Variants in CDH20 observed in about 807,000 individuals in gnomAD.
CDH20 encodes the protein cadherin 20.
A neutral mutation model predicts 74.2 loss-of-function variants in CDH20; 29 were observed. The observed-to-expected ratio is 0.39, with a 90% CI of 0.29 to 0.53. CDH20 has a LOEUF of 0.53. Ranked by LOEUF, CDH20 falls within the 20% of genes least tolerant of loss-of-function variation. The pLI, the probability that CDH20 is intolerant of heterozygous loss-of-function variation, is 0.69. For synonymous variants in CDH20, 469 were observed against 405.4 expected, an observed-to-expected ratio of 1.16 and a Z score of -1.88; for missense variants, 988 against 1,048.3, an observed-to-expected ratio of 0.94 and a Z score of 0.79.
intron 1 of CDH20, among the ~76,000 whole-genome samples, chr18:61,386,624 T>C (rs1216873037): frequency 6.6e-6 from 1 of 152,188 alleles, no homozygotes; most frequent in Non-Finnish European, 1.5e-5. Context: ...TAGAAATATG[T>C]TCTTTGAAAT....
intron 1 of CDH20, among the ~76,000 whole-genome samples, chr18:61,488,001 A>G (rs1910825168): frequency 6.6e-6 from 1 of 152,134 alleles, no homozygotes; most frequent in Admixed American, 6.5e-5. Flanking sequence ...CAGAGAAAAT[A>G]ACAGACATGT....
rs778918493 is a variant in CDH20, at chr18:61,333,506, A to AG, written c.-469dup. Reference sequence around the variant, plus strand: ...CGCTCGGGGGACGGTGACCGCGACCAGGGGGCTCTTCTCACTGGACAGGCC... The same window carrying AG: ...CGCTCGGGGGACGGTGACCGCGACCAGGGGGGCTCTTCTCACTGGACAGGCC... On this transcript the variant is annotated 5_prime_UTR_variant, in exon 1 of 12. Coordinates refer to ENST00000262717, the MANE Select transcript of CDH20 (RefSeq NM_031891.4). 6.6e-6 allele frequency: 1 copy of AG among 152,328 alleles called. No individual in the cohort carries two copies. Among genetic ancestry groups the AG allele is most frequent in the East Asian group, 1.9e-4 (1 of 5,162 alleles). 9.4% of individuals were successfully genotyped at this position (152,328 alleles called of 1,614,324 possible).
Position 61,554,651 on chromosome 18 carries a change from G to T in CDH20, c.2362G>T (p.Ala788Ser). The T allele has an allele frequency of 6.3e-7, 1 of 1,598,106 alleles. No individual in the cohort carries two copies. Residue 788 changes from alanine to serine, a missense_variant, in exon 12 of 12, where the codon GCC becomes TCC. Physicochemically the swap from Ala to Ser is moderately conservative, Grantham distance 99. Transcript: ENST00000262717. ...CTGGGGGCCCCGCTTCCGGAAGCTG[G>T]CCGAGCTCTACGGGGCGTCGGAGGG... ...TDWGPRFRKLAELYGASEGPA... is the reference protein window; with the variant it reads ...TDWGPRFRKLSELYGASEGPA...
intron 1 of CDH20, among the ~76,000 whole-genome samples, chr18:61,408,279 T>G (rs147091789): frequency 4.4e-4 from 67 of 152,182 alleles, no homozygotes; most frequent in Non-Finnish European, 8.2e-4. Context: ...CAAGATTCAT[T>G]TTGGGTTCAG....
At chr18:61,518,225 C>T (rs898417565) in intron 6 of CDH20, among the ~76,000 whole-genome samples, 10 of 152,218 alleles carry the variant, frequency 6.6e-5, no homozygotes, top group Non-Finnish European at 8.8e-5. Context: ...TGCCTGCCAG[C>T]TCTGAAGACA....
At position 61,429,122 on chromosome 18, in the gene CDH20, C is replaced by CA. The variant is rs370197823; in HGVS notation, c.-152-61274dup. Among the ~76,000 whole-genome samples the CA allele has an allele frequency of 4.2e-3, 646 of 152,136 alleles. 5 individuals are homozygous for CA. Among genetic ancestry groups the CA allele is most frequent in the African/African-American group, 0.015 (612 of 41,522 alleles). On this transcript the variant is annotated intron_variant, in intron 1 of 11. Coordinates refer to ENST00000262717, the MANE Select transcript of CDH20 (RefSeq NM_031891.4). The stretch of plus-strand genomic sequence containing the variant: ...AATTTCTGAGAGGTGTGGGAGTATG[C>CA]AAAAAATCACAAGTTTTTGACTCCC...
chr18:61,365,384 T>C (rs573800621), intron 1 of CDH20, among the ~76,000 whole-genome samples: 1 of 152,330 alleles, frequency 6.6e-6, no homozygotes, highest in East Asian at 1.9e-4. Context: ...TGCTATGGGT[T>C]TCTAAATTCC....
At chr18:61,507,334 C>G in intron 5 of CDH20, 39 bp from the exon 6 acceptor site, 1 of 1,579,076 alleles carries the variant, frequency 6.3e-7, no homozygotes. Context: ...TTTATAGTGA[C>G]GGATTATCAA....
intron 10 of CDH20, among the ~76,000 whole-genome samples, chr18:61,546,239 C>T (rs924204165): frequency 9.2e-5 from 14 of 152,262 alleles, no homozygotes; most frequent in African/African-American, 3.1e-4. Flanking sequence ...AGGTTAGGCA[C>T]GCCTGGTTTT....
In CDH20 at chr18:61,507,223, G is replaced by A. The variant is rs1395919085; in HGVS notation, c.830-150G>A. ...GTATGACCGTTTGCTCAGCCTTTCT[G>A]GACCTTAGTTTTTATCTGTAAAAAC... On this transcript the variant is annotated intron_variant, in intron 5 of 11. Transcript: ENST00000262717. 1.2e-5 allele frequency: 8 copies of A among 680,200 alleles called. No homozygotes were observed. In the East Asian group the frequency reaches 2.2e-4, roughly 19 times the overall value. The allele number at this position is 680,200 out of a possible 1,614,324, so 42.1% of individuals were successfully genotyped here.
At chr18:61,405,891 T>A (rs1912314424) in intron 1 of CDH20, among the ~76,000 whole-genome samples, 2 of 152,186 alleles carry the variant, frequency 1.3e-5, no homozygotes, top group African/African-American at 4.8e-5. Context: ...CTTCAAGGCT[T>A]CCACTGTCTC....
At chr18:61,401,416 T>A (rs1912150747) in intron 1 of CDH20, among the ~76,000 whole-genome samples, 1 of 152,202 alleles carries the variant, frequency 6.6e-6, no homozygotes, top group South Asian at 2.1e-4. Flanking sequence ...GTTGCTGTTG[T>A]TTTTATATCA....
intron 1 of CDH20, among the ~76,000 whole-genome samples, chr18:61,462,139 G>T (rs1436657258): frequency 3.3e-5 from 5 of 151,882 alleles, no homozygotes; most frequent in Non-Finnish European, 7.4e-5. Context: ...GAAAAGTTGG[G>T]GTTTTCCTTT....
rs201850700 is a variant in CDH20, at chr18:61,554,564, T to C, written c.2275T>C (p.Ser759Pro). The C allele has an allele frequency of 3.2e-5, 51 of 1,595,244 alleles. No individual in the cohort carries two copies. Among genetic ancestry groups the C allele is most frequent in the Non-Finnish European group, 4.4e-5 (51 of 1,172,168 alleles). Residue 759 changes from serine to proline, a missense_variant, in exon 12 of 12, where the codon TCG becomes CCG. Ser to Pro is a moderately conservative substitution (Grantham distance 74). Transcript: ENST00000262717. ...MFEGDGSVAG[S>P]LSSLQSATSD... ...CGAGGGGGACGGCTCTGTGGCGGGG[T>C]CGCTGAGCTCCCTGCAGTCGGCCAC...
At chr18:61,469,813 A>C (rs1395612630) in intron 1 of CDH20, among the ~76,000 whole-genome samples, 1 of 152,226 alleles carries the variant, frequency 6.6e-6, no homozygotes, top group African/African-American at 2.4e-5. Flanking sequence ...TTAGTTACAC[A>C]TACACATACA....
At chr18:61,524,188 A>G (rs1912307534) in intron 6 of CDH20, among the ~76,000 whole-genome samples, 1 of 152,174 alleles carries the variant, frequency 6.6e-6, no homozygotes, top group Admixed American at 6.5e-5. Context: ...CCTCCTCAAG[A>G]AGACATAGAA....
chr18:61,512,565 T>C (rs1203561252), intron 6 of CDH20, among the ~76,000 whole-genome samples: 1 of 152,196 alleles, frequency 6.6e-6, no homozygotes, highest in African/African-American at 2.4e-5. Context: ...ACAAATTTGT[T>C]TCACCAATGT....
chr18:61,502,092 A>G (rs1336773096), intron 4 of CDH20, among the ~76,000 whole-genome samples: 1 of 152,222 alleles, frequency 6.6e-6, no homozygotes, highest in East Asian at 1.9e-4. Context: ...CTATCTAGCC[A>G]AGAGTCATGT....
chr18:61,476,591 C>T (rs1363757695), intron 1 of CDH20, among the ~76,000 whole-genome samples: 1 of 152,156 alleles, frequency 6.6e-6, no homozygotes, highest in African/African-American at 2.4e-5. Flanking sequence ...TGATAAAGGA[C>T]CACTGGATGA....
Sources: allele counts gnomAD v4.1 joint callset (sites outside exome capture counted in the v4.1 genomes callset), GRCh38; gene constraint gnomAD v4.1.1; transcripts MANE v1.5; gene names NCBI Gene and HGNC (gene_info 2026-07-23, HGNC 2026-07-21).